Variants in AKT1 observed in about 807,000 individuals in gnomAD.
AKT1 encodes RAC-alpha serine/threonine-protein kinase.
Under a neutral mutation model 63.1 loss-of-function variants are expected in AKT1, and 21 were observed. The observed-to-expected ratio is 0.33, with a 90% CI of 0.24 to 0.48. The LOEUF (loss-of-function observed/expected upper bound fraction) is 0.48. Among genes scored for constraint, AKT1 ranks in the 20% least tolerant of loss-of-function variants. The probability of loss-of-function intolerance (pLI) is 0.99; values close to 1 mark genes in which losing one functional copy is unlikely to be tolerated. For missense variants in AKT1, 382 were observed against 666.0 expected, an observed-to-expected ratio of 0.57 and a Z score of 4.69; for synonymous variants, 257 against 253.1, an observed-to-expected ratio of 1.02 and a Z score of -0.15.
chr14:104,772,307 G>GT lies in AKT1; in HGVS notation c.1260+57dup, dbSNP rs1892435159. On this transcript the variant is annotated intron_variant, in intron 13 of 14. Transcript: ENST00000649815. Reference sequence around the variant, plus strand: ...TCTGGCGAGCGTGCCACGTGCATGCGTGAGTGTGGATATGTGGGGAGCATG... The same window carrying GT: ...TCTGGCGAGCGTGCCACGTGCATGCGTTGAGTGTGGATATGTGGGGAGCATG... 18 of 1,569,760 alleles carry GT rather than the reference G, an allele frequency of 1.1e-5. No individual in the cohort carries two copies. The Admixed American group carries it at 3.0e-4, about 26-fold the overall frequency.
intron 3 of AKT1, among the ~76,000 whole-genome samples, chr14:104,789,087 G>A (rs1439117526): frequency 6.6e-6 from 1 of 152,240 alleles, no homozygotes; most frequent in Non-Finnish European, 1.5e-5. Flanking sequence ...GTCACAGCCT[G>A]CCGAAGGCAG....
chr14:104,783,518 C>G (rs993431147), intron 3 of AKT1, among the ~76,000 whole-genome samples: 2 of 150,372 alleles, frequency 1.3e-5, no homozygotes, highest in African/African-American at 4.9e-5. Context: ...AGTCACCCCC[C>G]CAACACCACC....
intron 3 of AKT1, among the ~76,000 whole-genome samples, chr14:104,783,312 C>T (rs1056966429): frequency 6.6e-6 from 1 of 152,146 alleles, no homozygotes; most frequent in Non-Finnish European, 1.5e-5. Context: ...GCCCCCCACT[C>T]GAGGCAGGAG....
intron 4 of AKT1, 139 bp from the exon 5 acceptor site, chr14:104,776,909 A>G (rs1048566856): frequency 1.1e-5 from 7 of 654,390 alleles, no homozygotes; most frequent in Non-Finnish European, 1.6e-5. Context: ...TCCTCTCTCC[A>G]AGCCTCAGTT....
intron 4 of AKT1, chr14:104,778,532 C>A: frequency 6.6e-6 from 1 of 152,374 alleles, no homozygotes. Flanking sequence ...CCCACCCCAA[C>A]CCCAGCCCCT....
intron 13 of AKT1, 43 bp downstream of exon 13, chr14:104,772,322 T>TGGGGAGCATGCGTGCGCGTGAATATGC (rs1238535489): frequency 1.3e-6 from 2 of 1,599,430 alleles, no homozygotes; most frequent in Non-Finnish European, 1.7e-6. Flanking sequence ...TGTGGATATG[T>TGGGGAGCATGCGTGCGCGTGAATATGC]GGGGAGCATG....
chr14:104,773,217 C>T, intron 11 of AKT1, 34 bp downstream of exon 11: 1 of 1,613,754 alleles, frequency 6.2e-7, no homozygotes, highest in South Asian at 1.1e-5. Context: ...CGTGGGGACG[C>T]AGCAACGCGT....
intron 3 of AKT1, among the ~76,000 whole-genome samples, chr14:104,787,071 A>G (rs1893369124): frequency 6.6e-6 from 1 of 152,028 alleles, no homozygotes; most frequent in African/African-American, 2.4e-5. Flanking sequence ...GGGGTGTGTG[A>G]GCCCAAACAC....
At chr14:104,780,360 C>T (rs34410130) in intron 3 of AKT1, 144 bp from the exon 4 acceptor site, 2 of 1,178,732 alleles carry the variant, frequency 1.7e-6, no homozygotes, top group Non-Finnish European at 2.3e-6. Flanking sequence ...GGAGCTGTTT[C>T]TTAGGGCCAG....
intron 4 of AKT1, chr14:104,777,615 G>A (rs1226464935): frequency 1.4e-5 from 14 of 993,390 alleles, no homozygotes; most frequent in Non-Finnish European, 1.7e-5. Context: ...AGGGCTGTGG[G>A]AACGTGCGGG....
At chr14:104,791,989 G>A (rs1012361905) in intron 3 of AKT1, among the ~76,000 whole-genome samples, 1 of 152,104 alleles carries the variant, frequency 6.6e-6, no homozygotes, top group African/African-American at 2.4e-5. Flanking sequence ...TGGAAGGGGT[G>A]GGGCTATGTC....
At position 104,780,220 on chromosome 14, in the gene AKT1, C is replaced by T. The variant is rs772346934; in HGVS notation, c.47-4G>A. On this transcript the variant is annotated splice_polypyrimidine_tract_variant and splice_region_variant and intron_variant, in intron 3 of 14. Coordinates refer to ENST00000649815, the MANE Select transcript of AKT1 (RefSeq NM_001382430.1). Reference sequence around the variant, plus strand: ...CGCCAGGTCTTGATGTACTCCCCTACAGACGTGCGGGTGGTGAGAGCCACG... The same window carrying T: ...CGCCAGGTCTTGATGTACTCCCCTATAGACGTGCGGGTGGTGAGAGCCACG... 4 of 1,612,902 alleles carry T rather than the reference C, an allele frequency of 2.5e-6. No homozygotes were observed. The highest frequency in any genetic ancestry group is 2.7e-5 in the African/African-American group (2 of 74,940).
intron 13 of AKT1, chr14:104,771,685 AG>A: frequency 4.3e-6 from 1 of 235,030 alleles, no homozygotes; most frequent in Non-Finnish European, 8.4e-6. Flanking sequence ...ACAGGCATTC[AG>A]GGGAGGGGCA....
At chr14:104,777,564 C>A in intron 4 of AKT1, 1 of 1,012,260 alleles carries the variant, frequency 9.9e-7, no homozygotes, top group South Asian at 3.6e-5. Context: ...CTGGGGAACA[C>A]ATACCTGGGG....
At chr14:104,777,665 G>A in intron 4 of AKT1, 1 of 986,494 alleles carries the variant, frequency 1.0e-6, no homozygotes, top group Non-Finnish European at 1.2e-6. Flanking sequence ...GTAGCCGCTG[G>A]GGCTCCGTGG....
Position 104,773,977 on chromosome 14 carries a change from G to A in AKT1, c.637C>T (p.Leu213=). ...QNSRHPFLTA[L]KYSFQTHDRL... The stretch of plus-strand genomic sequence containing the variant: ...TCGTGGGTCTGGAAAGAGTACTTCA[G>A]GGCCTGCAAGGAAGGGGAGCTGGAA... The change falls in exon 9 of 15, where the codon CTG becomes TTG. Residue 213 remains leucine, a synonymous_variant. Transcript: ENST00000649815. 2 of 1,612,180 alleles carry A rather than the reference G, an allele frequency of 1.2e-6. No homozygotes were observed. Among genetic ancestry groups the A allele is most frequent in the Non-Finnish European group, 1.7e-6 (2 of 1,178,892 alleles).
chr14:104,773,808 A>G, intron 9 of AKT1, 104 bp downstream of exon 9: 1 of 1,302,452 alleles, frequency 7.7e-7, no homozygotes, highest in Non-Finnish European at 1.1e-6. Flanking sequence ...AGCAGGGAGC[A>G]CCGTCTGGTG....
At position 104,772,431 on chromosome 14, in the gene AKT1, G is replaced by A. The variant is rs151254374; in HGVS notation, c.1194C>T (p.Asp398=). ...AGCGATGCTGCATGATCTCCTTGGC[G>A]TCCTCGGAGCCCCCGCCAAGCCTGC... The part of the protein sequence containing the change: ...PKQRLGGGSE[D]AKEIMQHRFF... Residue 398 remains aspartate, a synonymous_variant, in exon 13 of 15, where the codon GAC becomes GAT. Coordinates refer to ENST00000649815, the MANE Select transcript of AKT1 (RefSeq NM_001382430.1). 5.7e-5 allele frequency: 92 copies of A among 1,613,522 alleles called. 1 individual carries two copies. In the Middle Eastern group the frequency reaches 3.0e-3, roughly 52 times the overall value.
intron 3 of AKT1, among the ~76,000 whole-genome samples, chr14:104,781,706 G>A (rs1190092618): frequency 1.3e-5 from 2 of 152,176 alleles, no homozygotes; most frequent in Non-Finnish European, 2.9e-5. Context: ...CTGCTGGGGG[G>A]ATGCTGGTGG....
Sources: allele counts gnomAD v4.1 joint callset (sites outside exome capture counted in the v4.1 genomes callset), GRCh38; gene constraint gnomAD v4.1.1; transcripts MANE v1.5; gene names NCBI Gene and HGNC (gene_info 2026-07-23, HGNC 2026-07-21).